RIPOR2: variants seen among roughly 807,000 people sequenced by gnomAD.
The protein encoded by RIPOR2 is RHO family interacting cell polarization regulator 2.
RIPOR2 carries 39 observed loss-of-function variants against 114.5 expected under a neutral mutation model. That is an observed-to-expected ratio of 0.34 (90% CI 0.26 to 0.44). RIPOR2 has a LOEUF of 0.44. RIPOR2 is among the 20% of genes least tolerant of loss of function. The probability of loss-of-function intolerance (pLI) is 1.00; values close to 1 mark genes in which losing one functional copy is unlikely to be tolerated. For synonymous variants in RIPOR2, 445 were observed against 484.4 expected (o/e 0.92, Z 1.07); for missense variants, 1,007 against 1,255.1 (o/e 0.80, Z 2.99).
intron 1 of RIPOR2, among the ~76,000 whole-genome samples, chr6:24,891,087 C>T (rs1018806819): frequency 6.6e-6 from 1 of 152,142 alleles, no homozygotes; most frequent in African/African-American, 2.4e-5. Context: ...TGACTCCCTG[C>T]AGAACAACCC....
Position 24,865,365 on chromosome 6 carries a change from G to C in RIPOR2, c.587C>G (p.Pro196Arg), listed in dbSNP as rs1764490632. ...ACTCTCCCGGGCAGCTTTGCTGGCA[G>C]GGGATGTTGCGAAGGCTTGCTTCAT... ...SKMKQAFATS[P>R]ASKAARESLT... is the part of the protein sequence containing the mutation. Residue 196 changes from proline to arginine, a missense_variant, in exon 7 of 22, where the codon CCT becomes CGT. Coordinates refer to ENST00000643898, the MANE Select transcript of RIPOR2 (RefSeq NM_001286445.3). 6.2e-7 allele frequency: 1 copy of C among 1,613,666 alleles called. No individual in the cohort carries two copies. The highest frequency in any genetic ancestry group is 2.2e-5 in the East Asian group (1 of 44,876).
intron 15 of RIPOR2, among the ~76,000 whole-genome samples, chr6:24,833,259 T>A (rs776513925): frequency 3.3e-5 from 5 of 152,114 alleles, no homozygotes; most frequent in Non-Finnish European, 5.9e-5. Context: ...ACCCAGCACT[T>A]TGGGAGGCTG....
intron 1 of RIPOR2, among the ~76,000 whole-genome samples, chr6:24,974,386 A>G (rs1561818762): frequency 6.6e-6 from 1 of 152,170 alleles, no homozygotes; most frequent in Non-Finnish European, 1.5e-5. Context: ...CAAAAAACAA[A>G]CAAACAAAAA....
intron 1 of RIPOR2, among the ~76,000 whole-genome samples, chr6:24,902,991 T>TTTGTTTC (rs1768626045): frequency 6.6e-6 from 1 of 152,242 alleles, no homozygotes; most frequent in African/African-American, 2.4e-5. Flanking sequence ...TTCCAAAATG[T>TTTGTTTC]AGTGGCCTGA....
chr6:24,971,562 C>T (rs1299886422), intron 1 of RIPOR2, among the ~76,000 whole-genome samples: 1 of 152,178 alleles, frequency 6.6e-6, no homozygotes, highest in Non-Finnish European at 1.5e-5. Context: ...TTCTTTCTTC[C>T]TATGCGTGGT....
intron 15 of RIPOR2, among the ~76,000 whole-genome samples, chr6:24,833,758 T>C (rs1200947968): frequency 6.6e-6 from 1 of 152,186 alleles, no homozygotes; most frequent in Non-Finnish European, 1.5e-5. Context: ...ATCTACATCT[T>C]TGTATCCACC....
chr6:24,987,339 T>C (rs1161829917), intron 1 of RIPOR2, among the ~76,000 whole-genome samples: 1 of 152,202 alleles, frequency 6.6e-6, no homozygotes, highest in African/African-American at 2.4e-5. Flanking sequence ...GAGGTGATGA[T>C]ACACATTGCA....
intron 2 of RIPOR2, 37 bp from the exon 3 acceptor site, chr6:24,873,836 A>C (rs766893215): frequency 6.5e-7 from 1 of 1,548,760 alleles, no homozygotes; most frequent in Admixed American, 2.1e-5. Flanking sequence ...AGGATTGGGC[A>C]TCCAAAAGGA....
chr6:24,951,015 C>T (rs1772722997), intron 1 of RIPOR2, among the ~76,000 whole-genome samples: 1 of 152,200 alleles, frequency 6.6e-6, no homozygotes, highest in South Asian at 2.1e-4. Context: ...TGCGTGAGGC[C>T]TGATAGAAAT....
At chr6:24,972,183 A>C (rs1773819723) in intron 1 of RIPOR2, among the ~76,000 whole-genome samples, 1 of 152,212 alleles carries the variant, frequency 6.6e-6, no homozygotes, top group African/African-American at 2.4e-5. Context: ...TTATATTTGA[A>C]TCTTACAAAG....
intron 1 of RIPOR2, among the ~76,000 whole-genome samples, chr6:24,889,449 T>A (rs934659100): frequency 2.6e-5 from 4 of 152,202 alleles, no homozygotes; most frequent in Admixed American, 6.6e-5. Context: ...TTGCTTATTG[T>A]TAGCTATTGG....
At chr6:24,881,650 C>T (rs13193774) in intron 1 of RIPOR2, among the ~76,000 whole-genome samples, 24,200 of 152,144 alleles carry the variant, frequency 0.16, 1,958 homozygotes, top group South Asian at 0.19. Context: ...CAATTAAACA[C>T]ATATCAGGGT....
intron 12 of RIPOR2, among the ~76,000 whole-genome samples, chr6:24,845,173 T>C (rs1214258016): frequency 6.6e-6 from 1 of 152,154 alleles, no homozygotes; most frequent in Non-Finnish European, 1.5e-5. Flanking sequence ...ACTGAGGATG[T>C]TTTACTCTAT....
intron 1 of RIPOR2, among the ~76,000 whole-genome samples, chr6:25,027,552 G>C (rs1776689802): frequency 6.6e-6 from 1 of 152,262 alleles, no homozygotes; most frequent in South Asian, 2.1e-4. Flanking sequence ...CGGCCTCGTG[G>C]TGGCCATGCT....
chr6:24,989,763 G>A (rs904375553), intron 1 of RIPOR2, among the ~76,000 whole-genome samples: 4 of 151,932 alleles, frequency 2.6e-5, no homozygotes, highest in African/African-American at 9.7e-5. Context: ...TTAATACCCT[G>A]GCTGGGCGCG....
intron 15 of RIPOR2, 92 bp downstream of exon 15, chr6:24,835,611 C>T: frequency 7.5e-7 from 1 of 1,327,084 alleles, no homozygotes; most frequent in East Asian, 2.5e-5. Flanking sequence ...TTCCTGAATT[C>T]TCATTTCCCT....
chr6:25,014,074 A>G (rs1561843496), intron 1 of RIPOR2, among the ~76,000 whole-genome samples: 1 of 152,218 alleles, frequency 6.6e-6, no homozygotes, highest in Admixed American at 6.5e-5. Flanking sequence ...ATTTATCAAA[A>G]TGCATCAGCA....
chr6:24,873,847 T>C, intron 2 of RIPOR2, 48 bp from the exon 3 acceptor site: 1 of 1,498,412 alleles, frequency 6.7e-7, no homozygotes, highest in Non-Finnish European at 9.1e-7. Flanking sequence ...TCCAAAAGGA[T>C]TTGACCAAAG....
At chr6:25,011,572 C>T (rs140945615) in intron 1 of RIPOR2, among the ~76,000 whole-genome samples, 94 of 152,294 alleles carry the variant, frequency 6.2e-4, no homozygotes, top group African/African-American at 2.0e-3. Flanking sequence ...GGTGTTACAT[C>T]GGGAAGCCAA....
Sources: allele counts gnomAD v4.1 joint callset (sites outside exome capture counted in the v4.1 genomes callset), GRCh38; gene constraint gnomAD v4.1.1; transcripts MANE v1.5; gene names NCBI Gene and HGNC (gene_info 2026-07-23, HGNC 2026-07-21).